The following ITPKC variants were observed in gnomAD, a reference collection of about 807,000 sequenced individuals.
ITPKC encodes the protein IP3 3-kinase C.
A neutral mutation model predicts 67.1 loss-of-function variants in ITPKC; 33 were observed. The ratio of observed to expected loss-of-function variants is 0.49; its 90% CI spans 0.37 to 0.66. ITPKC has a LOEUF of 0.66. Ranked by LOEUF, ITPKC falls within the 30% of genes least tolerant of loss-of-function variation. The pLI is 0.00. For synonymous variants in ITPKC, 341 were observed against 359.8 expected, an observed-to-expected ratio of 0.95 and a Z score of 0.59; for missense variants, 820 against 892.1, an observed-to-expected ratio of 0.92 and a Z score of 1.03.
Position 40,739,732 on chromosome 19 carries a change from A to G in ITPKC, c.*172A>G, listed in dbSNP as rs1213080886. ...GGAAAAGTCTGAAGGGCCTTGGGAG[A>G]CCAGGTAGCACCTGGCCCCATCATG... On this transcript the variant is annotated 3_prime_UTR_variant, in exon 7 of 7. Transcript: ENST00000263370. 3 of 600,454 alleles carry G rather than the reference A, an allele frequency of 5.0e-6. No homozygotes were observed. Among genetic ancestry groups the G allele is most frequent in the African/African-American group, 1.9e-5 (1 of 53,664 alleles). The allele number at this position is 600,454 out of a possible 1,614,324, so 37.2% of individuals were successfully genotyped here. A position where few individuals can be genotyped will look rare whatever the true frequency, so the allele number is the denominator to read the frequency against.
Position 40,725,540 on chromosome 19 carries a change from G to C in ITPKC, c.1255+101G>C, listed in dbSNP as rs1044084206. ...TCCCCCACCTAGTGATGGGCTTGGTGACAGTCCCCACCTTATGGGACTGTT... is the reference window on the plus strand; with the variant it reads ...TCCCCCACCTAGTGATGGGCTTGGTCACAGTCCCCACCTTATGGGACTGTT... On this transcript the variant is annotated intron_variant, in intron 2 of 6. Coordinates refer to ENST00000263370, the MANE Select transcript of ITPKC (RefSeq NM_025194.3). 12 of 830,288 alleles carry C rather than the reference G, an allele frequency of 1.4e-5. No homozygotes were observed. In the African/African-American group the frequency reaches 2.0e-4, roughly 14 times the overall value. The allele number at this position is 830,288 out of a possible 1,614,324, so 51.4% of individuals were successfully genotyped here.
At position 40,717,411 on chromosome 19, in the gene ITPKC, C is replaced by T. The variant is rs757842243; in HGVS notation, c.276C>T (p.Asp92=). 2.0e-5 allele frequency: 33 copies of T among 1,613,604 alleles called. No individual in the cohort carries two copies. The East Asian group carries it at 4.5e-4, about 22-fold the overall frequency. Residue 92 remains aspartate, a synonymous_variant, in exon 1 of 7, where the codon GAC becomes GAT. Transcript: ENST00000263370. ...GTCCGCAGGCAGAATTCTGGACAGACGGACAGACTGAGCCCGCGGCAGCTG... is the reference window on the plus strand; with the variant it reads ...GTCCGCAGGCAGAATTCTGGACAGATGGACAGACTGAGCCCGCGGCAGCTG... ...TESPQAEFWT[D]GQTEPAAAGL...
Position 40,717,142 on chromosome 19 carries a change from C to T in ITPKC, c.7C>T (p.Arg3Cys), listed in dbSNP as rs887124994. The change falls in exon 1 of 7, where the codon CGC (arginine) becomes TGC (cysteine). Residue 3 changes from arginine (R) to cysteine (C), a missense_variant. Coordinates refer to ENST00000263370, the MANE Select transcript of ITPKC (RefSeq NM_025194.3). MR[R>C]CPCRGSLNEA... ...CCGAACCGAAGGAGCGGGCATGAGGCGCTGCCCGTGCCGTGGGAGCCTGAA... is the reference window on the plus strand; with the variant it reads ...CCGAACCGAAGGAGCGGGCATGAGGTGCTGCCCGTGCCGTGGGAGCCTGAA... The T allele has an allele frequency of 2.4e-5, 30 of 1,226,464 alleles. No individual in the cohort carries two copies. The highest frequency in any genetic ancestry group is 4.3e-5 in the Admixed American group (1 of 23,482). 76.0% of individuals were successfully genotyped at this position (1,226,464 alleles called of 1,614,324 possible).
At chr19:40,722,855 C>CA (rs2082228518) in intron 1 of ITPKC, among the ~76,000 whole-genome samples, 1 of 152,306 alleles carries the variant, frequency 6.6e-6, no homozygotes, top group South Asian at 2.1e-4. Flanking sequence ...CTGCTCACTG[C>CA]AGCCTCACCC....
Position 40,717,426 on chromosome 19 carries a change from C to T in ITPKC, c.291C>T (p.Pro97=), listed in dbSNP as rs754470821. The part of the protein sequence containing the change: ...AEFWTDGQTE[P]AAAGLGVETE... ...TCTGGACAGACGGACAGACTGAGCCCGCGGCAGCTGGCCTTGGAGTAGAGA... is the reference window on the plus strand; with the variant it reads ...TCTGGACAGACGGACAGACTGAGCCTGCGGCAGCTGGCCTTGGAGTAGAGA... The change falls in exon 1 of 7, where the codon CCC becomes CCT. Residue 97 remains proline, a synonymous_variant. Coordinates refer to ENST00000263370, the MANE Select transcript of ITPKC (RefSeq NM_025194.3). The T allele has an allele frequency of 3.3e-5, 53 of 1,613,774 alleles. No homozygotes were observed. The highest frequency in any genetic ancestry group is 4.4e-5 in the Non-Finnish European group (52 of 1,180,006).
rs1485506677 is a variant in ITPKC at position 40,718,274 on chromosome 19, C to T, written c.1139C>T (p.Pro380Leu). 1 of 1,518,408 alleles carries T rather than the reference C, an allele frequency of 6.6e-7. No individual in the cohort carries two copies. The highest frequency in any genetic ancestry group is 8.8e-7 in the Non-Finnish European group (1 of 1,139,058). The allele number at this position is 1,518,408 out of a possible 1,614,324, so 94.1% of individuals were successfully genotyped here. A position where few individuals can be genotyped will look rare whatever the true frequency, so the allele number is the denominator to read the frequency against. Residue 380 changes from proline to leucine, a missense_variant, in exon 1 of 7, where the codon CCC (proline) becomes CTC (leucine). By Grantham distance (98) the Pro-to-Leu change is moderately conservative. This residue lies in a region of ITPKC where 339 missense variants were observed against 422.0 expected (regional missense o/e 0.80). Transcript: ENST00000263370. Reference sequence around the variant, plus strand: ...GCCGGGGGCGGAGGTGCCAGCGATCCCGAGGACAGGTCTGGGGTGAGTGGG... The same window carrying T: ...GCCGGGGGCGGAGGTGCCAGCGATCTCGAGGACAGGTCTGGGGTGAGTGGG... Reference protein sequence around the residue: ...VVAGGGGASDPEDRSGSKPWK... With the variant: ...VVAGGGGASDLEDRSGSKPWK...
intron 3 of ITPKC, among the ~76,000 whole-genome samples, chr19:40,732,640 G>A (rs1016097955): frequency 7.9e-5 from 12 of 151,686 alleles, no homozygotes; most frequent in African/African-American, 2.9e-4. Flanking sequence ...CTATGTTGCC[G>A]AGGCTGATCT....
In ITPKC at chr19:40,739,374, C is replaced by T; in HGVS notation, c.1866C>T (p.Leu622=). The change falls in exon 7 of 7, where the codon CTC becomes CTT. Residue 622 remains leucine, a synonymous_variant. Transcript: ENST00000263370. ...FKTHEVVGSS[L]LFVHDHTGLA... is the part of the protein sequence containing the mutation. Reference sequence around the variant, plus strand: ...CCCGGCAGGTGGTAGGCAGCTCCCTCCTCTTCGTGCACGACCACACCGGCC... The same window carrying T: ...CCCGGCAGGTGGTAGGCAGCTCCCTTCTCTTCGTGCACGACCACACCGGCC... The T allele has an allele frequency of 6.2e-7, 1 of 1,613,738 alleles. No homozygotes were observed. The highest frequency in any genetic ancestry group is 8.5e-7 in the Non-Finnish European group (1 of 1,180,028).
At chr19:40,731,342 T>C (rs143005392) in intron 3 of ITPKC, among the ~76,000 whole-genome samples, 42 of 152,328 alleles carry the variant, frequency 2.8e-4, no homozygotes, top group African/African-American at 8.2e-4. Context: ...GAGAATCTAA[T>C]TGATACTTGA....
intron 4 of ITPKC, among the ~76,000 whole-genome samples, chr19:40,733,896 GA>G (rs202007148): frequency 5.3e-5 from 8 of 151,244 alleles, no homozygotes; most frequent in South Asian, 2.1e-4. Context: ...GTTTCTAGAA[GA>G]AAAAAAAATT....
chr19:40,717,162 C>T lies in ITPKC; in HGVS notation c.27C>T (p.Ser9=), dbSNP rs1369674076. ...TGAGGCGCTGCCCGTGCCGTGGGAG[C>T]CTGAACGAGGCGGAGGCCGGGGCGC... is the stretch of plus-strand genomic sequence containing the variant. MRRCPCRG[S]LNEAEAGALP... Residue 9 remains serine, a synonymous_variant, in exon 1 of 7, where the codon AGC becomes AGT. Coordinates refer to ENST00000263370, the MANE Select transcript of ITPKC (RefSeq NM_025194.3). The T allele has an allele frequency of 2.4e-6, 3 of 1,227,186 alleles. No homozygotes were observed. Among genetic ancestry groups the T allele is most frequent in the South Asian group, 4.1e-5 (1 of 24,306 alleles). The allele number at this position is 1,227,186 out of a possible 1,614,324, so 76.0% of individuals were successfully genotyped here.
chr19:40,723,937 T>G (rs2082234234), intron 1 of ITPKC, among the ~76,000 whole-genome samples: 1 of 152,192 alleles, frequency 6.6e-6, no homozygotes, highest in South Asian at 2.1e-4. Context: ...TACACATTGG[T>G]CACAGGTCAG....
chr19:40,737,598 C>A, intron 5 of ITPKC, 100 bp from the exon 6 acceptor site: 1 of 1,030,776 alleles, frequency 9.7e-7, no homozygotes, highest in Non-Finnish European at 1.5e-6. Flanking sequence ...TGGCTAGAGC[C>A]TGCCTGCTCC....
intron 1 of ITPKC, among the ~76,000 whole-genome samples, chr19:40,724,831 C>G (rs1442571982): frequency 6.6e-6 from 1 of 151,922 alleles, no homozygotes; most frequent in Non-Finnish European, 1.5e-5. Context: ...CACCTGTAGT[C>G]CCAGCTACTC....
chr19:40,737,703 G>C lies in ITPKC; in HGVS notation c.1782G>C (p.Lys594Asn). The C allele has an allele frequency of 1.2e-6, 2 of 1,614,140 alleles. No homozygotes were observed. Reference sequence around the variant, plus strand: ...GAACGCTCCCTGTCACACAGCAAAAGTACGTGGCATGCCTAGAAGAACTTC... The same window carrying C: ...GAACGCTCCCTGTCACACAGCAAAACTACGTGGCATGCCTAGAAGAACTTC... ...FVDGDHVILQ[K>N]YVACLEELRE... The change falls in exon 6 of 7, where the codon AAG becomes AAC. Residue 594 changes from lysine (K) to asparagine (N), a missense_variant. Transcript: ENST00000263370.
chr19:40,737,617 A>G, intron 5 of ITPKC, 81 bp from the exon 6 acceptor site: 1 of 1,225,578 alleles, frequency 8.2e-7, no homozygotes, highest in Non-Finnish European at 1.2e-6. Context: ...CCTTTGGGGG[A>G]ATGGGGTGAG....
chr19:40,731,322 A>G (rs1240509748), intron 3 of ITPKC, among the ~76,000 whole-genome samples: 1 of 152,182 alleles, frequency 6.6e-6, no homozygotes, highest in Non-Finnish European at 1.5e-5. Flanking sequence ...TCTAGATTGT[A>G]TGCTCCTATG....
intron 4 of ITPKC, among the ~76,000 whole-genome samples, chr19:40,735,309 C>A (rs990343984): frequency 4.6e-5 from 7 of 152,042 alleles, no homozygotes; most frequent in Admixed American, 2.6e-4. Context: ...TGCCACAAGG[C>A]CTCTGCACCC....
At chr19:40,727,608 A>G (rs1599651011) in intron 2 of ITPKC, among the ~76,000 whole-genome samples, 1 of 152,022 alleles carries the variant, frequency 6.6e-6, no homozygotes. Flanking sequence ...GATGCTGGCT[A>G]TTGGCTGGGG....
Sources: allele counts gnomAD v4.1 joint callset (sites outside exome capture counted in the v4.1 genomes callset), GRCh38; gene constraint gnomAD v4.1.1; regional missense constraint gnomAD v4.1.1; transcripts MANE v1.5; gene names NCBI Gene and HGNC (gene_info 2026-07-23, HGNC 2026-07-21).